The following RDH5 variants were observed in gnomAD, a reference collection of about 807,000 sequenced individuals.
The protein encoded by RDH5 is 11-cis RDH.
A neutral mutation model predicts 24.0 loss-of-function variants in RDH5; 25 were observed. The ratio of observed to expected loss-of-function variants is 1.04; its 90% CI spans 0.76 to 1.46. RDH5 has a LOEUF of 1.46. Ranked by LOEUF, RDH5 falls within the 40% of genes most tolerant of loss-of-function variation. RDH5 has a pLI of 0.00. For missense variants in RDH5, 369 were observed against 410.3 expected (o/e 0.90, Z 0.87); for synonymous variants, 170 against 175.2 (o/e 0.97, Z 0.23).
chr12:55,724,619 G>T lies in RDH5; in HGVS notation c.*74G>T. 1.5e-6 allele frequency: 2 copies of T among 1,301,476 alleles called. No homozygotes were observed. Among genetic ancestry groups the T allele is most frequent in the Non-Finnish European group, 2.2e-6 (2 of 914,086 alleles). 80.6% of individuals were successfully genotyped at this position (1,301,476 alleles called of 1,614,324 possible). A position where few individuals can be genotyped will look rare whatever the true frequency, so the allele number is the denominator to read the frequency against. On this transcript the variant is annotated 3_prime_UTR_variant, in exon 5 of 5. Coordinates refer to ENST00000257895, the MANE Select transcript of RDH5 (RefSeq NM_002905.5). ...TTATTTCTGCCCCCACCCTGGTACT[G>T]CCTGGTGCCTGCCACAAAATAAGCA... is the stretch of plus-strand genomic sequence containing the variant.
In RDH5 at chr12:55,723,877, C is replaced by T. The variant is rs556112230; in HGVS notation, c.570-9C>T. 20 of 1,613,110 alleles carry T rather than the reference C, an allele frequency of 1.2e-5. No homozygotes were observed. Among genetic ancestry groups the T allele is most frequent in the African/African-American group, 4.0e-5 (3 of 74,910 alleles). Reference sequence around the variant, plus strand: ...AGAACCCAGCAACTTCGCTCTGCCCCGACTCTAGGCGGGATGTAGCTCATT... The same window carrying T: ...AGAACCCAGCAACTTCGCTCTGCCCTGACTCTAGGCGGGATGTAGCTCATT... On this transcript the variant is annotated splice_polypyrimidine_tract_variant and intron_variant, in intron 3 of 4. Transcript: ENST00000257895.
chr12:55,722,748 G>T (rs912690157), intron 3 of RDH5: 1 of 151,520 alleles, frequency 6.6e-6, no homozygotes, highest in African/African-American at 2.4e-5. Flanking sequence ...ATGTTGGCCA[G>T]GCTGGTTTTG....
Position 55,724,306 on chromosome 12 carries a change from A to G in RDH5, c.734-16A>G. The G allele has an allele frequency of 6.2e-7, 1 of 1,612,226 alleles. No homozygotes were observed. The highest frequency in any genetic ancestry group is 1.3e-5 in the African/African-American group (1 of 74,980). On this transcript the variant is annotated splice_polypyrimidine_tract_variant and intron_variant, in intron 4 of 4. Coordinates refer to ENST00000257895, the MANE Select transcript of RDH5 (RefSeq NM_002905.5). ...TGAGGAAGGGAAACTGATTGCAACC[A>G]CCTATGGGGCTGCAGACCTGAAAAT...
chr12:55,724,650 A>C lies in RDH5; in HGVS notation c.*105A>C, dbSNP rs972224107. Reference sequence around the variant, plus strand: ...TGCCTGCCACAAAATAAGCACTAACAAAAGTGTATTGTTTAAAAAATAAAA... The same window carrying C: ...TGCCTGCCACAAAATAAGCACTAACCAAAGTGTATTGTTTAAAAAATAAAA... On this transcript the variant is annotated 3_prime_UTR_variant, in exon 5 of 5. Coordinates refer to ENST00000257895, the MANE Select transcript of RDH5 (RefSeq NM_002905.5). 4 of 1,039,664 alleles carry C rather than the reference A, an allele frequency of 3.8e-6. No individual in the cohort carries two copies. In the African/African-American group the frequency reaches 6.3e-5, roughly 16 times the overall value. The allele number at this position is 1,039,664 out of a possible 1,614,324, so 64.4% of individuals were successfully genotyped here.
At position 55,721,076 on chromosome 12, in the gene RDH5, C is replaced by T. The variant is rs1876889763; in HGVS notation, c.-32-77C>T. 1 of 969,182 alleles carries T rather than the reference C, an allele frequency of 1.0e-6. No homozygotes were observed. Among genetic ancestry groups the T allele is most frequent in the African/African-American group, 1.6e-5 (1 of 62,664 alleles). The allele number at this position is 969,182 out of a possible 1,614,324, so 60.0% of individuals were successfully genotyped here. On this transcript the variant is annotated intron_variant, in intron 1 of 4. Coordinates refer to ENST00000257895, the MANE Select transcript of RDH5 (RefSeq NM_002905.5). The surrounding 1 kb of genome is among the most constrained non-coding windows in gnomAD (Gnocchi z 4.7). ...TTTCTCAATATGCTCACACCAGATG[C>T]TTCCAGCTAGGGAGGGTATTAGGGG...
rs760871944 is a variant in RDH5, at chr12:55,724,314, G to C, written c.734-8G>C. ...GGAAACTGATTGCAACCACCTATGGGGCTGCAGACCTGAAAATGCAACAGC... is the reference window on the plus strand; with the variant it reads ...GGAAACTGATTGCAACCACCTATGGCGCTGCAGACCTGAAAATGCAACAGC... On this transcript the variant is annotated splice_polypyrimidine_tract_variant and splice_region_variant and intron_variant, in intron 4 of 4. Transcript: ENST00000257895. The C allele has an allele frequency of 3.1e-6, 5 of 1,613,960 alleles. No homozygotes were observed. In the East Asian group the frequency reaches 1.1e-4, roughly 36 times the overall value.
In RDH5 at chr12:55,724,379, T is replaced by G; in HGVS notation, c.791T>G (p.Val264Gly). The G allele has an allele frequency of 6.2e-7, 1 of 1,614,148 alleles. No homozygotes were observed. The highest frequency in any genetic ancestry group is 2.2e-5 in the East Asian group (1 of 44,882). Residue 264 changes from valine (V) to glycine (G), a missense_variant, in exon 5 of 5, where the codon GTG (valine) becomes GGG (glycine). By Grantham distance (109) the Val-to-Gly change is moderately radical. Coordinates refer to ENST00000257895, the MANE Select transcript of RDH5 (RefSeq NM_002905.5). The stretch of plus-strand genomic sequence containing the variant: ...ATCTGTGACCCGGACCTAACCAAGG[T>G]GAGCCGATGCCTGGAGCATGCCCTG... Reference protein sequence around the residue: ...NLICDPDLTKVSRCLEHALTA... With the variant: ...NLICDPDLTKGSRCLEHALTA...
At position 55,724,513 on chromosome 12, in the gene RDH5, G is replaced by T; in HGVS notation, c.925G>T (p.Val309Phe). The T allele has an allele frequency of 1.2e-6, 2 of 1,612,838 alleles. No homozygotes were observed. Among genetic ancestry groups the T allele is most frequent in the South Asian group, 2.2e-5 (2 of 91,084 alleles). ...CCTGGTGGATGCTGTGCTCACCTGG[G>T]TCCTTCCCAAGCCTGCCCAAGCAGT... ...ASLVDAVLTW[V>F]LPKPAQAVY is the part of the protein sequence containing the mutation. Residue 309 changes from valine to phenylalanine, a missense_variant, in exon 5 of 5, where the codon GTC (valine) becomes TTC (phenylalanine). Physicochemically the swap from Val to Phe is conservative, Grantham distance 50. Transcript: ENST00000257895.
At chr12:55,722,384 G>A (rs763118035) in intron 3 of RDH5, 4 of 171,480 alleles carry the variant, frequency 2.3e-5, no homozygotes, top group Admixed American at 5.5e-5. Context: ...TCCTGACCTC[G>A]TGATCCGCCC....
At chr12:55,724,202 G>A in intron 4 of RDH5, 120 bp from the exon 5 acceptor site, 1 of 1,444,138 alleles carries the variant, frequency 6.9e-7, no homozygotes, top group Non-Finnish European at 9.6e-7. Flanking sequence ...TGTGGAACCT[G>A]CCCACTCCCC....
Position 55,724,013 on chromosome 12 carries a change from A to G in RDH5, c.697A>G (p.Thr233Ala). ...QACWARLPPA[T>A]QAHYGGAFLT... is the part of the protein sequence containing the mutation. The stretch of plus-strand genomic sequence containing the variant: ...CTGCTGGGCACGGCTGCCTCCTGCC[A>G]CACAGGCCCACTATGGGGGGGCCTT... The change falls in exon 4 of 5, where the codon ACA becomes GCA. Residue 233 changes from threonine to alanine, a missense_variant. Transcript: ENST00000257895. 6.2e-7 allele frequency: 1 copy of G among 1,612,890 alleles called. No homozygotes were observed. The highest frequency in any genetic ancestry group is 8.5e-7 in the Non-Finnish European group (1 of 1,180,006).
chr12:55,721,698 G>A lies in RDH5; in HGVS notation c.320G>A (p.Gly107Asp). Reference protein sequence around the residue: ...EMHVKEAGLFGLVNNAGVAGI... With the variant: ...EMHVKEAGLFDLVNNAGVAGI... ...TTTCATCTCCCCACAGGGCTTTTTG[G>A]TCTGGTGAATAATGCTGGTGTGGCT... The change falls in exon 3 of 5, where the codon GGT becomes GAT. Residue 107 changes from glycine to aspartate, a missense_variant. By Grantham distance (94) the Gly-to-Asp change is moderately conservative. Transcript: ENST00000257895. This position sits in a 1 kb window ranked among gnomAD's most constrained non-coding sequence, Gnocchi z 4.7. 2 of 1,611,492 alleles carry A rather than the reference G, an allele frequency of 1.2e-6. No individual in the cohort carries two copies. The highest frequency in any genetic ancestry group is 8.5e-7 in the Non-Finnish European group (1 of 1,180,010).
Position 55,721,252 on chromosome 12 carries a change from G to T in RDH5, c.68G>T (p.Ser23Ile), listed in dbSNP as rs1876899080. 1 of 1,613,950 alleles carries T rather than the reference G, an allele frequency of 6.2e-7. No individual in the cohort carries two copies. The highest frequency in any genetic ancestry group is 2.2e-5 in the East Asian group (1 of 44,876). The change falls in exon 2 of 5, where the codon AGC (serine) becomes ATC (isoleucine). Residue 23 changes from serine (S) to isoleucine (I), a missense_variant. By Grantham distance (142) the Ser-to-Ile change is moderately radical. Transcript: ENST00000257895. The surrounding 1 kb of genome is among the most constrained non-coding windows in gnomAD (Gnocchi z 4.7). ...CTGTGGTTGCTCAGGGACCGGCAGA[G>T]CCTGCCCGCCAGCAATGCCTTTGTC... ...AVLWLLRDRQ[S>I]LPASNAFVFI... is the part of the protein sequence containing the mutation.
intron 3 of RDH5, 112 bp downstream of exon 3, chr12:55,722,059 T>G (rs1876952079): frequency 1.8e-6 from 2 of 1,140,062 alleles, no homozygotes; most frequent in African/African-American, 3.1e-5. Flanking sequence ...AAGAGACAGT[T>G]TAGGGCTAGA....
chr12:55,724,464 G>T lies in RDH5; in HGVS notation c.876G>T (p.Leu292=), dbSNP rs1432158946. The change falls in exon 5 of 5, where the codon CTG becomes CTT. Residue 292 remains leucine (L), a synonymous_variant. Transcript: ENST00000257895. ...SPGWDAKLLW[L]PASYLPASLV... ...GTTGGGATGCCAAGCTGCTCTGGCT[G>T]CCTGCCTCCTACCTGCCAGCCAGCC... The T allele has an allele frequency of 6.2e-7, 1 of 1,613,872 alleles. No homozygotes were observed. The highest frequency in any genetic ancestry group is 2.2e-5 in the East Asian group (1 of 44,896).
At position 55,724,703 on chromosome 12, in the gene RDH5, GA is replaced by G. The variant is rs1877124106; in HGVS notation, c.*160del. 2 of 763,988 alleles carry G rather than the reference GA, an allele frequency of 2.6e-6. No individual in the cohort carries two copies. The highest frequency in any genetic ancestry group is 3.4e-5 in the African/African-American group (2 of 58,226). 47.3% of individuals were successfully genotyped at this position (763,988 alleles called of 1,614,324 possible). A position where few individuals can be genotyped will look rare whatever the true frequency, so the allele number is the denominator to read the frequency against. On this transcript the variant is annotated 3_prime_UTR_variant, in exon 5 of 5. Transcript: ENST00000257895. ...AAGGTGGGCAGAAATGTGCCCAGTG[GA>G]AGGCTGACCCCATTTAAGTGCCAAC...
chr12:55,724,608 A>T lies in RDH5; in HGVS notation c.*63A>T. ...AGGACTTTGATTTATTTCTGCCCCC[A>T]CCCTGGTACTGCCTGGTGCCTGCCA... On this transcript the variant is annotated 3_prime_UTR_variant, in exon 5 of 5. Coordinates refer to ENST00000257895, the MANE Select transcript of RDH5 (RefSeq NM_002905.5). 2 of 1,430,066 alleles carry T rather than the reference A, an allele frequency of 1.4e-6. No homozygotes were observed. The highest frequency in any genetic ancestry group is 1.9e-6 in the Non-Finnish European group (2 of 1,031,800). 88.6% of individuals were successfully genotyped at this position (1,430,066 alleles called of 1,614,324 possible).
intron 1 of RDH5, among the ~76,000 whole-genome samples, 167 bp from the exon 2 acceptor site, chr12:55,720,986 G>A (rs1035509927): frequency 1.8e-4 from 28 of 152,134 alleles, no homozygotes; most frequent in African/African-American, 5.8e-4. Context: ...CAAATACAGG[G>A]TCTGCCCACA....
rs972233756 is a variant in RDH5 at position 55,724,109 on chromosome 12, C to G, written c.733+60C>G. ...GGAAACAAGTACCAGAAAGGCCAGT[C>G]CTGCATAAGCCTGCTAGGAGGTGGG... On this transcript the variant is annotated intron_variant, in intron 4 of 4. Transcript: ENST00000257895. The G allele has an allele frequency of 4.5e-6, 7 of 1,564,470 alleles. No homozygotes were observed. The Middle Eastern group carries it at 5.3e-4, about 118-fold the overall frequency.
Sources: gnomAD v4.1 joint callset for allele counts (sites outside exome capture counted in the v4.1 genomes callset) on GRCh38, gnomAD v4.1.1 for gene constraint, Gnocchi (gnomAD v3.1) non-coding constraint, MANE v1.5 for transcripts, NCBI Gene and HGNC (gene_info 2026-07-23, HGNC 2026-07-21) for gene names.